The following SSBP3 variants were observed in gnomAD, a reference collection of about 807,000 sequenced individuals.
SSBP3 encodes single-stranded DNA-binding protein 3.
Under a neutral mutation model 69.6 loss-of-function variants are expected in SSBP3, and 5 were observed. The observed-to-expected ratio is 0.07, with a 90% CI of 0.04 to 0.15. SSBP3 has a LOEUF of 0.15. Ranked by LOEUF, SSBP3 falls within the 10% of genes least tolerant of loss-of-function variation. SSBP3 has a pLI of 1.00. For synonymous variants in SSBP3, 196 were observed against 193.4 expected (o/e 1.01, Z -0.11); for missense variants, 312 against 534.0 (o/e 0.58, Z 4.10).
chr1:54,394,280 A>C (rs953297761), intron 4 of SSBP3, among the ~76,000 whole-genome samples: 2 of 152,340 alleles, frequency 1.3e-5, no homozygotes, highest in Middle Eastern at 6.8e-3. Context: ...AAAGAACACT[A>C]GGTGACCTCC....
chr1:54,393,148 G>C (rs945757758), intron 4 of SSBP3, among the ~76,000 whole-genome samples: 1 of 152,244 alleles, frequency 6.6e-6, no homozygotes, highest in Non-Finnish European at 1.5e-5. Flanking sequence ...AATGGACAGT[G>C]ATGGGGCAAC....
At chr1:54,298,018 G>T (rs1051345082) in intron 4 of SSBP3, among the ~76,000 whole-genome samples, 1 of 152,178 alleles carries the variant, frequency 6.6e-6, no homozygotes, top group Non-Finnish European at 1.5e-5. Context: ...TGGGCCAGAT[G>T]CGCAGGCCTC....
chr1:54,240,091 C>T (rs977430926), intron 13 of SSBP3, among the ~76,000 whole-genome samples: 11,685 of 32,806 alleles, frequency 0.36, 614 homozygotes, highest in Middle Eastern at 0.47. Context: ...TGTGTGTGCG[C>T]GCGCGCGCGT....
chr1:54,342,166 T>G (rs944332245), intron 4 of SSBP3, among the ~76,000 whole-genome samples: 2 of 152,248 alleles, frequency 1.3e-5, no homozygotes, highest in Non-Finnish European at 2.9e-5. Flanking sequence ...CAGCCCAGGC[T>G]GCAGAGTCCA....
intron 4 of SSBP3, among the ~76,000 whole-genome samples, chr1:54,290,296 G>C (rs1438337704): frequency 6.6e-6 from 1 of 152,188 alleles, no homozygotes; most frequent in Non-Finnish European, 1.5e-5. Context: ...GGGGGGCATA[G>C]GGAACTTAAA....
chr1:54,368,741 T>C (rs1647070901), intron 4 of SSBP3, among the ~76,000 whole-genome samples: 1 of 152,210 alleles, frequency 6.6e-6, no homozygotes, highest in Non-Finnish European at 1.5e-5. Flanking sequence ...TTTATTGAAA[T>C]GTGCCTGAAC....
intron 5 of SSBP3, among the ~76,000 whole-genome samples, chr1:54,277,798 C>T (rs1030904938): frequency 1.3e-5 from 2 of 152,030 alleles, no homozygotes; most frequent in Admixed American, 6.6e-5. Context: ...ACCTTAGGGC[C>T]AAGGAACTTA....
At chr1:54,228,863 CCCTGGCCCTCTGCACCCCT>C (rs1463308026) in intron 14 of SSBP3, 37 bp from the exon 15 acceptor site, 1 of 1,595,666 alleles carries the variant, frequency 6.3e-7, no homozygotes, top group East Asian at 2.3e-5. Flanking sequence ...GCTCAGCGGG[CCCTGGCCCTCTGCACCCCT>C]CACAGGCAGG....
intron 5 of SSBP3, among the ~76,000 whole-genome samples, chr1:54,275,021 C>T (rs187141934): frequency 2.0e-5 from 3 of 152,296 alleles, no homozygotes; most frequent in Non-Finnish European, 2.9e-5. Context: ...CTGGCTGTGC[C>T]CTGTGCCTGG....
intron 4 of SSBP3, among the ~76,000 whole-genome samples, chr1:54,303,157 C>G (rs893400369): frequency 6.6e-6 from 1 of 152,222 alleles, no homozygotes; most frequent in South Asian, 2.1e-4. Flanking sequence ...TCACGGGAGC[C>G]ATGGGGTGCT....
At chr1:54,239,715 T>A (rs1315865757) in intron 13 of SSBP3, among the ~76,000 whole-genome samples, 1 of 152,106 alleles carries the variant, frequency 6.6e-6, no homozygotes, top group Non-Finnish European at 1.5e-5. Context: ...GGAATGTAGG[T>A]CATGCAGCTC....
Position 54,351,861 on chromosome 1 carries a change from C to A in SSBP3, c.276+50000G>T, listed in dbSNP as rs777516748. Among the ~76,000 whole-genome samples, 8 of 152,326 alleles carry A rather than the reference C, an allele frequency of 5.3e-5. No individual in the cohort carries two copies. In the South Asian group the frequency reaches 6.2e-4, roughly 12 times the overall value. On this transcript the variant is annotated intron_variant, in intron 4 of 17. Coordinates refer to ENST00000610401, the Ensembl canonical transcript of SSBP3. ...TGACTCGATCTGGCCCAGCTCAGCA[C>A]GCTGCCTATCTATCCATCCACCCAC...
chr1:54,238,622 G>A (rs1644544242), intron 14 of SSBP3: 2 of 324,044 alleles, frequency 6.2e-6, no homozygotes, highest in Admixed American at 4.4e-5. Flanking sequence ...TCACCCAAGG[G>A]CTGCAACTCT....
At chr1:54,372,024 T>C (rs1194572544) in intron 4 of SSBP3, among the ~76,000 whole-genome samples, 3 of 152,020 alleles carry the variant, frequency 2.0e-5, no homozygotes, top group Non-Finnish European at 4.4e-5. Context: ...TCACCAACTC[T>C]CCCAAACCAC....
intron 4 of SSBP3, among the ~76,000 whole-genome samples, chr1:54,338,157 T>A (rs897026895): frequency 6.6e-6 from 1 of 152,244 alleles, no homozygotes; most frequent in African/African-American, 2.4e-5. Context: ...GGAAGTTGCC[T>A]GTGACTGCCC....
At chr1:54,280,197 T>C (rs1223056652) in intron 5 of SSBP3, among the ~76,000 whole-genome samples, 13 of 152,372 alleles carry the variant, frequency 8.5e-5, no homozygotes. Flanking sequence ...CCCAGCCCTC[T>C]TCTCTCAGGA....
intron 5 of SSBP3, among the ~76,000 whole-genome samples, chr1:54,272,832 G>A (rs546241254): frequency 4.6e-5 from 7 of 152,314 alleles, no homozygotes; most frequent in Non-Finnish European, 1.0e-4. Context: ...TGAGGTGAAC[G>A]CAGCTACTGA....
chr1:54,405,893 ACCGCCCGC>A (rs547030913), intron 1 of SSBP3, 52 bp downstream of exon 1: 3 of 645,854 alleles, frequency 4.6e-6, no homozygotes, highest in African/African-American at 3.2e-5. Flanking sequence ...CCTGCCTCCC[ACCGCCCGC>A]CCGCCCGCAG....
chr1:54,396,302 G>A (rs1648882400), intron 4 of SSBP3, among the ~76,000 whole-genome samples: 1 of 149,040 alleles, frequency 6.7e-6, no homozygotes, highest in Admixed American at 6.7e-5. Context: ...ATGTATTAAA[G>A]AAGTTTATGT....
Sources: gnomAD v4.1 joint callset for allele counts (sites outside exome capture counted in the v4.1 genomes callset) on GRCh38, gnomAD v4.1.1 for gene constraint, MANE v1.5 for transcripts, NCBI Gene and HGNC (gene_info 2026-07-23, HGNC 2026-07-21) for gene names.